Variants in PAK3 observed in about 807,000 individuals in gnomAD.
PAK3 encodes the protein p21 (RAC1) activated kinase 3, also known as serine/threonine-protein kinase PAK 3.
PAK3 carries 4 observed loss-of-function variants against 41.0 expected under a neutral mutation model. The observed-to-expected ratio is 0.10, with a 90% CI of 0.05 to 0.22. The LOEUF is 0.22. Ranked by LOEUF, PAK3 falls within the 10% of genes least tolerant of loss-of-function variation. The pLI is 1.00. For synonymous variants in PAK3, 146 were observed against 139.6 expected (o/e 1.05, Z -0.32); for missense variants, 205 against 409.9 (o/e 0.50, Z 4.32).
At chrX:111,049,771 AAAG>A (rs2092537732) in intron 1 of PAK3, among the ~76,000 whole-genome samples, 1 of 112,389 alleles carries the variant, frequency 8.9e-6, no homozygotes, top group South Asian at 3.7e-4. Context: ...ATAGGAGTAG[AAAG>A]AAGAATGATG....
intron 16 of PAK3, among the ~76,000 whole-genome samples, chrX:111,208,283 A>G (rs1016259101): frequency 8.9e-6 from 1 of 112,806 alleles, no homozygotes; most frequent in African/African-American, 3.2e-5. Flanking sequence ...TTAAAAACTT[A>G]CAGCAAGCTA....
rs964147733 is a variant in PAK3 at position 111,221,608 on chromosome X, C to T, written c.*1161C>T. On this transcript the variant is annotated 3_prime_UTR_variant, in exon 18 of 18. Coordinates refer to ENST00000372007, the MANE Select transcript of PAK3 (RefSeq NM_002578.5). Reference sequence around the variant, plus strand: ...AATTATTTATTTTGACAATTTATAACGTTTAAAAAAGTTTTTTAAAGATCT... The same window carrying T: ...AATTATTTATTTTGACAATTTATAATGTTTAAAAAAGTTTTTTAAAGATCT... 4.5e-5 allele frequency: 5 copies of T among 111,718 alleles called. No homozygotes were observed. The highest frequency in any genetic ancestry group is 7.4e-4 in the South Asian group (2 of 2,697). The allele number at this position is 111,718 out of a possible 1,213,427, so 9.2% of individuals were successfully genotyped here. A position where few individuals can be genotyped will look rare whatever the true frequency, so the allele number is the denominator to read the frequency against.
intron 8 of PAK3, among the ~76,000 whole-genome samples, chrX:111,157,685 G>A (rs1370177991): frequency 9.1e-6 from 1 of 109,808 alleles, no homozygotes; most frequent in East Asian, 2.9e-4. Context: ...TACTCGGGAG[G>A]CTGAGGCAGG....
chrX:110,987,925 C>T (rs1239190726), intron 1 of PAK3, among the ~76,000 whole-genome samples: 1 of 112,062 alleles, frequency 8.9e-6, no homozygotes, highest in East Asian at 2.8e-4. Context: ...CTTCCAGCAG[C>T]TTATCGAACC....
chrX:111,125,199 C>T (rs1010932984), intron 5 of PAK3, among the ~76,000 whole-genome samples: 2 of 111,592 alleles, frequency 1.8e-5, no homozygotes, highest in African/African-American at 6.5e-5. Flanking sequence ...GATAACTTCC[C>T]AAAGAGGCAT....
At chrX:110,987,790 G>A (rs772822286) in intron 1 of PAK3, among the ~76,000 whole-genome samples, 8 of 111,700 alleles carry the variant, frequency 7.2e-5, no homozygotes, top group South Asian at 7.6e-4. Flanking sequence ...TTCAGGATAG[G>A]TTCAAGGCCT....
intron 11 of PAK3, among the ~76,000 whole-genome samples, chrX:111,176,888 T>C (rs958679648): frequency 9.0e-6 from 1 of 110,559 alleles, no homozygotes; most frequent in Non-Finnish European, 1.9e-5. Flanking sequence ...TTTTATTTTT[T>C]TGATCTTAGT....
chrX:110,983,480 C>CAGAGAGAGAGAGAGAGAGAGAGAGAG (rs768492408), intron 1 of PAK3, among the ~76,000 whole-genome samples: 1 of 99,609 alleles, frequency 1.0e-5, no homozygotes, highest in African/African-American at 3.7e-5. Context: ...AAGAGAAAGA[C>CAGAGAGAGAGAGAGAGAGAGAGAGAG]AGAGAGAGAG....
At chrX:111,022,471 C>T (rs1204948916) in intron 1 of PAK3, among the ~76,000 whole-genome samples, 1 of 111,565 alleles carries the variant, frequency 9.0e-6, no homozygotes, top group Non-Finnish European at 1.9e-5. Context: ...TCCAGACAAA[C>T]AAATGCTAAG....
chrX:111,077,315 A>G lies in PAK3; in HGVS notation c.-27-45762A>G, dbSNP rs2092794236. Reference sequence around the variant, plus strand: ...ACAAAAATAGAAAAACAATCCTAATATTTGTGTGGAGACACAAAAGAGCCT... The same window carrying G: ...ACAAAAATAGAAAAACAATCCTAATGTTTGTGTGGAGACACAAAAGAGCCT... On this transcript the variant is annotated intron_variant, in intron 1 of 14. Coordinates refer to the PAK3 transcript ENST00000425146. 3.6e-5 allele frequency among the ~76,000 whole-genome samples: 4 copies of G among 112,233 alleles called. No individual in the cohort carries two copies. In the Admixed American group the frequency reaches 3.8e-4, roughly 11 times the overall value.
chrX:111,061,747 A>G (rs981229677), intron 1 of PAK3, among the ~76,000 whole-genome samples: 1 of 109,447 alleles, frequency 9.1e-6, no homozygotes, highest in African/African-American at 3.3e-5. Context: ...TTTCTATTAC[A>G]TTTTCCAATT....
rs201990214 is a variant in PAK3 at position 111,055,980 on chromosome X, TC to T, written c.-27-67094del. On this transcript the variant is annotated intron_variant, in intron 1 of 14. Transcript: ENST00000425146. ...TGCCCCTTTCTTCTTTCCCATTTTC[TC>T]CCATTCCTTGACCCTGTTATTCCCT... is the stretch of plus-strand genomic sequence containing the variant. Among the ~76,000 whole-genome samples, 326 of 111,209 alleles carry T rather than the reference TC, an allele frequency of 2.9e-3. 4 individuals carry two copies. The Admixed American group carries it at 0.03, about 10-fold the overall frequency.
intron 1 of PAK3, among the ~76,000 whole-genome samples, chrX:111,057,026 T>A (rs2092610431): frequency 8.9e-6 from 1 of 112,152 alleles, no homozygotes; most frequent in Admixed American, 9.5e-5. Flanking sequence ...TTTTTCAAGT[T>A]TTTATTTTGA....
At chrX:111,104,521 T>C (rs2093215758) in intron 4 of PAK3, among the ~76,000 whole-genome samples, 1 of 111,381 alleles carries the variant, frequency 9.0e-6, no homozygotes, top group Admixed American at 9.5e-5. Context: ...ACAGCCTTGT[T>C]GATACTGATG....
intron 1 of PAK3, among the ~76,000 whole-genome samples, chrX:110,965,612 C>T (rs2091065374): frequency 8.9e-6 from 1 of 112,463 alleles, no homozygotes; most frequent in Non-Finnish European, 1.9e-5. Context: ...CTTGATTACT[C>T]ACTAGCAGCA....
intron 1 of PAK3, among the ~76,000 whole-genome samples, chrX:110,978,164 A>G (rs2091374510): frequency 9.0e-6 from 1 of 111,585 alleles, no homozygotes; most frequent in African/African-American, 3.3e-5. Context: ...CCTTTATGGT[A>G]TTGAAGTGGT....
intron 1 of PAK3, among the ~76,000 whole-genome samples, chrX:111,085,965 A>T (rs1319796246): frequency 1.8e-5 from 2 of 111,491 alleles, no homozygotes; most frequent in Non-Finnish European, 3.8e-5. Flanking sequence ...AAAGGAAAGA[A>T]CACAATAAAA....
At chrX:111,091,068 T>C (rs901977574) in intron 1 of PAK3, among the ~76,000 whole-genome samples, 1 of 112,017 alleles carries the variant, frequency 8.9e-6, no homozygotes, top group Non-Finnish European at 1.9e-5. Context: ...GAAGCAGGGC[T>C]AATTAAAACC....
At chrX:111,158,077 T>C (rs2094129664) in intron 8 of PAK3, among the ~76,000 whole-genome samples, 1 of 111,791 alleles carries the variant, frequency 8.9e-6, no homozygotes, top group Admixed American at 9.5e-5. Context: ...TTTGATAAAG[T>C]CTTTGTGTCT....
Sources: gnomAD v4.1 joint callset for allele counts (sites outside exome capture counted in the v4.1 genomes callset) on GRCh38, gnomAD v4.1.1 for gene constraint, MANE v1.5 for transcripts, NCBI Gene and HGNC (gene_info 2026-07-23, HGNC 2026-07-21) for gene names.